TXNRD2: variants seen among roughly 807,000 people sequenced by gnomAD.
The protein encoded by TXNRD2 is thioredoxin reductase 2, also known as thioredoxin reductase 2, mitochondrial.
TXNRD2 carries 67 observed loss-of-function variants against 70.8 expected under a neutral mutation model. The ratio of observed to expected loss-of-function variants is 0.95; its 90% CI spans 0.78 to 1.16. TXNRD2 has a LOEUF of 1.16. Ranked by LOEUF, TXNRD2 falls within the 50% of genes most tolerant of loss-of-function variation. The pLI, the probability that TXNRD2 is intolerant of heterozygous loss-of-function variation, is 0.00. For missense variants in TXNRD2, 644 were observed against 719.9 expected (o/e 0.89, Z 1.21); for synonymous variants, 301 against 295.8 (o/e 1.02, Z -0.18).
chr22:19,911,647 GC>G (rs1227660587), intron 7 of TXNRD2, among the ~76,000 whole-genome samples, 200 bp from the exon 8 acceptor site: 1 of 152,124 alleles, frequency 6.6e-6, no homozygotes, highest in Non-Finnish European at 1.5e-5. Flanking sequence ...CTAAGCTGCT[GC>G]ACTCCAGGTC....
intron 2 of TXNRD2, among the ~76,000 whole-genome samples, chr22:19,928,194 C>G (rs765215120): frequency 2.0e-5 from 3 of 151,822 alleles, no homozygotes; most frequent in Non-Finnish European, 4.4e-5. Flanking sequence ...AAGAGATATA[C>G]CACACGATCC....
At chr22:19,918,349 A>T in intron 4 of TXNRD2, 132 bp from the exon 5 acceptor site, 1 of 821,164 alleles carries the variant, frequency 1.2e-6, no homozygotes, top group East Asian at 2.7e-5. Context: ...AAAGGTGGCA[A>T]AACGTGACAT....
At chr22:19,898,244 G>C (rs1939606258) in intron 9 of TXNRD2, 114 bp from the exon 10 acceptor site, 2 of 996,906 alleles carry the variant, frequency 2.0e-6, no homozygotes, top group Admixed American at 2.0e-5. Context: ...TGGCCCTGGA[G>C]GAGGCTCCCA....
At chr22:19,883,951 A>T (rs1267618489) in intron 11 of TXNRD2, 1 of 149,574 alleles carries the variant, frequency 6.7e-6, no homozygotes, top group Non-Finnish European at 1.4e-5. Context: ...TCTCAAAAAA[A>T]AAAAAAGAAA....
At position 19,877,031 on chromosome 22, in the gene TXNRD2, C is replaced by G. The variant is rs567113590; in HGVS notation, c.*65+9G>C. On this transcript the variant is annotated intron_variant, in intron 17 of 17. Transcript: ENST00000400521. ...CTGTCCTCAAACAGAGCCAGCCCCA[C>G]CTGCATACCTGGGTCTGGCCTCCGA... is the stretch of plus-strand genomic sequence containing the variant. 21 of 1,526,140 alleles carry G rather than the reference C, an allele frequency of 1.4e-5. No homozygotes were observed. The African/African-American group carries it at 2.7e-4, about 20-fold the overall frequency. The allele number at this position is 1,526,140 out of a possible 1,614,324, so 94.5% of individuals were successfully genotyped here.
intron 1 of TXNRD2, among the ~76,000 whole-genome samples, chr22:19,937,057 G>A (rs1941560678): frequency 6.6e-6 from 1 of 152,112 alleles, no homozygotes; most frequent in Non-Finnish European, 1.5e-5. Context: ...CAGACTCTTT[G>A]TACCGAGGTC....
At chr22:19,898,903 C>A in intron 9 of TXNRD2, 146 bp downstream of exon 9, 2 of 1,009,474 alleles carry the variant, frequency 2.0e-6, no homozygotes, top group Non-Finnish European at 3.0e-6. Context: ...TGTCCCCAGG[C>A]ACAGTAGATC....
chr22:19,894,817 G>A (rs1375610819), intron 11 of TXNRD2: 15 of 379,962 alleles, frequency 3.9e-5, no homozygotes, highest in Admixed American at 8.6e-5. Context: ...GTGAAACCCC[G>A]TCTCTACTAA....
chr22:19,940,106 G>T (rs9332307), intron 1 of TXNRD2, among the ~76,000 whole-genome samples: 175 of 152,086 alleles, frequency 1.2e-3, no homozygotes, highest in African/African-American at 4.1e-3. Context: ...TTAGCCAGGC[G>T]TGGTGGCAGA....
intron 7 of TXNRD2, chr22:19,914,950 G>A (rs1266319802): frequency 2.5e-5 from 12 of 489,122 alleles, no homozygotes; most frequent in Non-Finnish European, 4.1e-5. Flanking sequence ...GGATCCTGGT[G>A]TGGAAGGGGA....
At chr22:19,902,613 GCCCCA>G (rs1353201903) in intron 8 of TXNRD2, among the ~76,000 whole-genome samples, 1 of 152,142 alleles carries the variant, frequency 6.6e-6, no homozygotes, top group Non-Finnish European at 1.5e-5. Flanking sequence ...GAACCCCGCC[GCCCCA>G]CCCAACCCCT....
At chr22:19,918,768 C>A (rs1940751435) in intron 4 of TXNRD2, 92 bp downstream of exon 4, 1 of 1,507,080 alleles carries the variant, frequency 6.6e-7, no homozygotes, top group South Asian at 1.1e-5. Context: ...CGGCCCACTC[C>A]CCATGAGGGC....
At chr22:19,898,310 C>T (rs946909022) in intron 9 of TXNRD2, among the ~76,000 whole-genome samples, 180 bp from the exon 10 acceptor site, 5 of 152,328 alleles carry the variant, frequency 3.3e-5, no homozygotes, top group East Asian at 1.9e-4. Context: ...AGCAAGGAGC[C>T]GCCAAGCAGC....
At chr22:19,903,148 T>G (rs979102756) in intron 8 of TXNRD2, 1 of 444,750 alleles carries the variant, frequency 2.2e-6, no homozygotes, top group Non-Finnish European at 4.5e-6. Flanking sequence ...TGTGGGCTGG[T>G]CAGCCCCTGA....
chr22:19,905,247 G>A (rs78431207), intron 8 of TXNRD2, among the ~76,000 whole-genome samples: 4,830 of 152,130 alleles, frequency 0.032, 269 homozygotes, highest in African/African-American at 0.11. Context: ...GAATGAAACG[G>A]GTGACTGATA....
At position 19,923,740 on chromosome 22, in the gene TXNRD2, T is replaced by A. The variant is rs187304320; in HGVS notation, c.173-4141A>T. ...CTGCTTGAACCCGGGAGGCAGAGGT[T>A]GCAGTGAGCCGAGATGGCACCACTG... On this transcript the variant is annotated intron_variant, in intron 2 of 17. Coordinates refer to ENST00000400521, the MANE Select transcript of TXNRD2 (RefSeq NM_006440.5). Among the ~76,000 whole-genome samples, 481 of 151,554 alleles carry A rather than the reference T, an allele frequency of 3.2e-3. 7 individuals carry two copies. The highest frequency in any genetic ancestry group is 0.011 in the African/African-American group (455 of 41,276).
chr22:19,877,913 G>A (rs1043648332), intron 16 of TXNRD2, among the ~76,000 whole-genome samples, 177 bp downstream of exon 16: 11 of 152,240 alleles, frequency 7.2e-5, no homozygotes, highest in Admixed American at 2.6e-4. Flanking sequence ...GGGCAGAACC[G>A]CCTCTTGTCC....
Position 19,883,478 on chromosome 22 carries a change from G to A in TXNRD2, c.950-17C>T. ...GGACTCGACCTGAAGGAAACAGAGA[G>A]GGGGCTGAAAGGTTATCTTCAGTGG... On this transcript the variant is annotated splice_polypyrimidine_tract_variant and intron_variant, in intron 11 of 17. Coordinates refer to ENST00000400521, the MANE Select transcript of TXNRD2 (RefSeq NM_006440.5). 6.2e-7 allele frequency: 1 copy of A among 1,613,970 alleles called. No individual in the cohort carries two copies. Among genetic ancestry groups the A allele is most frequent in the Non-Finnish European group, 8.5e-7 (1 of 1,180,032 alleles).
At chr22:19,907,571 C>A (rs1262604019) in intron 8 of TXNRD2, among the ~76,000 whole-genome samples, 1 of 40,614 alleles carries the variant, frequency 2.5e-5, no homozygotes. Context: ...AGAGTGTGGG[C>A]GCCGTGGGTA....
Sources: gnomAD v4.1 joint callset for allele counts (sites outside exome capture counted in the v4.1 genomes callset) on GRCh38, gnomAD v4.1.1 for gene constraint, MANE v1.5 for transcripts, NCBI Gene and HGNC (gene_info 2026-07-23, HGNC 2026-07-21) for gene names.